The following LDHD variants were observed in gnomAD, a reference collection of about 807,000 sequenced individuals.
LDHD encodes D-lactate dehydrogenase, mitochondrial.
LDHD carries 58 observed loss-of-function variants against 52.9 expected under a neutral mutation model. That is an observed-to-expected ratio of 1.10 (90% CI 0.89 to 1.36). The LOEUF (loss-of-function observed/expected upper bound fraction) is 1.36. Ranked by LOEUF, LDHD falls within the 40% of genes most tolerant of loss-of-function variation. The pLI is 0.00. For missense variants in LDHD, 747 were observed against 668.0 expected (o/e 1.12, Z -1.30); for synonymous variants, 350 against 288.6 (o/e 1.21, Z -2.16).
chr16:75,112,897 TG>T lies in LDHD; in HGVS notation c.1113del (p.Ile372SerfsTer15), dbSNP rs1429563736. The T allele has an allele frequency of 6.2e-7, 1 of 1,612,744 alleles. No individual in the cohort carries two copies. The highest frequency in any genetic ancestry group is 1.7e-5 in the Admixed American group (1 of 59,996). ...ACCACGATCTCCGGCAGCCGGGAGATGGGCACACACACATCCGTGGAGTAGC... is the reference window on the plus strand; with the variant it reads ...ACCACGATCTCCGGCAGCCGGGAGATGGCACACACACATCCGTGGAGTAGC... ...CKGYSTDVCV[P>X]ISRLPEIVVQ... On this transcript the variant is annotated frameshift_variant, in exon 9 of 11. Coordinates refer to ENST00000450168, the MANE Select transcript of LDHD (RefSeq NM_194436.3). LOFTEE classifies it high-confidence loss of function.
chr16:75,115,700 C>T, intron 1 of LDHD, 40 bp from the exon 2 acceptor site: 2 of 1,265,292 alleles, frequency 1.6e-6, no homozygotes, highest in African/African-American at 1.5e-5. Flanking sequence ...CCCCGAAAGA[C>T]ACATGGGGCC....
chr16:75,115,783 G>C (rs372478327), intron 1 of LDHD, 123 bp from the exon 2 acceptor site: 34 of 597,684 alleles, frequency 5.7e-5, no homozygotes, highest in African/African-American at 5.4e-4. Flanking sequence ...CGCCCGCCCC[G>C]CTGACAACAT....
intron 5 of LDHD, 165 bp downstream of exon 5, chr16:75,114,361 G>C: frequency 7.1e-7 from 1 of 1,400,176 alleles, no homozygotes; most frequent in Non-Finnish European, 9.6e-7. Flanking sequence ...GCAAACCCTG[G>C]TCCCATCCAC....
At position 75,114,138 on chromosome 16, in the gene LDHD, C is replaced by G. The variant is rs202096454; in HGVS notation, c.657G>C (p.Thr219=). Residue 219 remains threonine (T), a synonymous_variant, in exon 6 of 11, where the codon ACG becomes ACC. Coordinates refer to ENST00000450168, the MANE Select transcript of LDHD (RefSeq NM_194436.3). ...FRKSAAGYNL[T]GLFVGSEGTL... ...TCCCCTCGGAGCCCACGAAGAGCCCCGTGAGGTTGTAGCCGGCTGCACTCT... is the reference window on the plus strand; with the variant it reads ...TCCCCTCGGAGCCCACGAAGAGCCCGGTGAGGTTGTAGCCGGCTGCACTCT... 8.7e-6 allele frequency: 14 copies of G among 1,612,834 alleles called. No homozygotes were observed. Among genetic ancestry groups the G allele is most frequent in the Non-Finnish European group, 1.2e-5 (14 of 1,179,994 alleles).
chr16:75,116,534 A>C, intron 1 of LDHD, 115 bp downstream of exon 1: 3 of 850,888 alleles, frequency 3.5e-6, no homozygotes, highest in Non-Finnish European at 5.7e-6. Flanking sequence ...CTTTTGCCCA[A>C]GGTCAGGTCA....
chr16:75,114,502 G>A (rs1424817864), intron 5 of LDHD, 24 bp downstream of exon 5: 9 of 1,488,190 alleles, frequency 6.0e-6, no homozygotes, highest in Admixed American at 2.2e-5. Flanking sequence ...GCCAGAGCCC[G>A]GGCCCCCCGC....
intron 1 of LDHD, 132 bp from the exon 2 acceptor site, chr16:75,115,792 A>C: frequency 1.7e-6 from 1 of 578,650 alleles, no homozygotes; most frequent in Non-Finnish European, 3.1e-6. Context: ...CGCTGACAAC[A>C]TCCTTGCCAG....
chr16:75,112,819 C>A lies in LDHD; in HGVS notation c.1177+15G>T. ...ACACCTCCCCACCTCTCCCCAGCAG[C>A]AGGGTGGGCAGAACCTGTGAGTCCT... On this transcript the variant is annotated intron_variant, in intron 9 of 10. Coordinates refer to ENST00000450168, the MANE Select transcript of LDHD (RefSeq NM_194436.3). 1 of 1,609,246 alleles carries A rather than the reference C, an allele frequency of 6.2e-7. No homozygotes were observed. Among genetic ancestry groups the A allele is most frequent in the Non-Finnish European group, 8.5e-7 (1 of 1,176,652 alleles).
At chr16:75,114,485 G>GC in intron 5 of LDHD, 41 bp downstream of exon 5, 1 of 1,465,542 alleles carries the variant, frequency 6.8e-7, no homozygotes, top group Non-Finnish European at 9.0e-7. Flanking sequence ...CGCCAGCAGT[G>GC]CCCAGGGCCA....
At position 75,112,318 on chromosome 16, in the gene LDHD, T is replaced by C. The variant is rs563539428; in HGVS notation, c.*38A>G. 6.4e-7 allele frequency: 1 copy of C among 1,571,686 alleles called. No homozygotes were observed. Among genetic ancestry groups the C allele is most frequent in the East Asian group, 2.3e-5 (1 of 44,102 alleles). Reference sequence around the variant, plus strand: ...AAGAAAAGTTCCAGAACCGGCTCCGTAGTCAGGGAACTTGTGGGCTAAGTG... The same window carrying C: ...AAGAAAAGTTCCAGAACCGGCTCCGCAGTCAGGGAACTTGTGGGCTAAGTG... On this transcript the variant is annotated 3_prime_UTR_variant, in exon 11 of 11. Transcript: ENST00000450168.
rs756020578 is a variant in LDHD at position 75,114,268 on chromosome 16, G to T, written c.630-103C>A. The T allele has an allele frequency of 4.5e-6, 7 of 1,562,958 alleles. No homozygotes were observed. In the South Asian group the frequency reaches 7.0e-5, roughly 16 times the overall value. On this transcript the variant is annotated intron_variant, in intron 5 of 10. Transcript: ENST00000450168. The stretch of plus-strand genomic sequence containing the variant: ...CAAGACACCGACCCCAGGCACTGAG[G>T]TCTGGGCTGGCCTCCCTCGGGCCCA...
rs762517635 is a variant in LDHD, at chr16:75,115,593, G to A, written c.140C>T (p.Ala47Val). The A allele has an allele frequency of 2.1e-5, 34 of 1,612,936 alleles. No individual in the cohort carries two copies. The highest frequency in any genetic ancestry group is 2.7e-5 in the Non-Finnish European group (32 of 1,179,940). Residue 47 changes from alanine (A) to valine (V), a missense_variant, in exon 2 of 11, where the codon GCC (alanine) becomes GTC (valine). By Grantham distance (64) the Ala-to-Val change is moderately conservative. Transcript: ENST00000450168. ...CCCGTGCTGCTCTCGGACCACCGCG[G>A]CAGTGGACACGTGGGAGCCGCCCAC... ...AVVGGSHVST[A>V]AVVREQHGRD...
chr16:75,113,517 AC>A lies in LDHD; in HGVS notation c.1086+17del, dbSNP rs1342005305. The A allele has an allele frequency of 2.5e-6, 4 of 1,596,676 alleles. No individual in the cohort carries two copies. Among genetic ancestry groups the A allele is most frequent in the Non-Finnish European group, 3.4e-6 (4 of 1,172,684 alleles). On this transcript the variant is annotated intron_variant, in intron 8 of 10. Transcript: ENST00000450168. ...GGGCCGAGCTGTGGGCCCCATCTGT[AC>A]CCCAGCCCCAGCTCACCTTGCAGCC...
In LDHD at chr16:75,112,609, G is replaced by C. The variant is rs767285234; in HGVS notation, c.1282C>G (p.Leu428Val). 1 of 1,614,064 alleles carries C rather than the reference G, an allele frequency of 6.2e-7. No homozygotes were observed. The highest frequency in any genetic ancestry group is 8.5e-7 in the Non-Finnish European group (1 of 1,179,996). The change falls in exon 10 of 11, where the codon CTG (leucine) becomes GTG (valine). Residue 428 changes from leucine (L) to valine (V), a missense_variant. Coordinates refer to ENST00000450168, the MANE Select transcript of LDHD (RefSeq NM_194436.3). The part of the protein sequence containing the change: ...LGRVKAFAEQ[L>V]GRRALALHGT... ...CCCTGGCTTTGCTCCTACCTGCCCA[G>C]CTGTTCTGCAAAAGCCTTGACCCTG...
Position 75,114,136 on chromosome 16 carries a change from C to T in LDHD, c.659G>A (p.Gly220Glu). 1 of 1,612,878 alleles carries T rather than the reference C, an allele frequency of 6.2e-7. No homozygotes were observed. The highest frequency in any genetic ancestry group is 8.5e-7 in the Non-Finnish European group (1 of 1,179,994). ...RKSAAGYNLT[G>E]LFVGSEGTLG... is the part of the protein sequence containing the mutation. ...CGTCCCCTCGGAGCCCACGAAGAGCCCCGTGAGGTTGTAGCCGGCTGCACT... is the reference window on the plus strand; with the variant it reads ...CGTCCCCTCGGAGCCCACGAAGAGCTCCGTGAGGTTGTAGCCGGCTGCACT... The change falls in exon 6 of 11, where the codon GGG becomes GAG. Residue 220 changes from glycine (G) to glutamate (E), a missense_variant. Transcript: ENST00000450168.
chr16:75,113,705 G>A (rs755101066), intron 7 of LDHD, 37 bp downstream of exon 7: 3 of 1,612,882 alleles, frequency 1.9e-6, no homozygotes, highest in Non-Finnish European at 2.5e-6. Flanking sequence ...CGCCACTGAG[G>A]CAGCCCACCC....
intron 4 of LDHD, 31 bp from the exon 5 acceptor site, chr16:75,114,716 G>T: frequency 6.5e-7 from 1 of 1,540,488 alleles, no homozygotes; most frequent in Non-Finnish European, 8.8e-7. Context: ...GGCAGCCTCA[G>T]GGACCGGAGG....
Position 75,112,897 on chromosome 16 carries a change from T to G in LDHD, c.1114A>C (p.Ile372Leu), listed in dbSNP as rs2036438081. 1 of 1,612,626 alleles carries G rather than the reference T, an allele frequency of 6.2e-7. No individual in the cohort carries two copies. Among genetic ancestry groups the G allele is most frequent in the African/African-American group, 1.3e-5 (1 of 74,926 alleles). The part of the protein sequence containing the change: ...KGYSTDVCVP[I>L]SRLPEIVVQT... ...ACCACGATCTCCGGCAGCCGGGAGA[T>G]GGGCACACACACATCCGTGGAGTAG... Residue 372 changes from isoleucine to leucine, a missense_variant, in exon 9 of 11, where the codon ATC (isoleucine) becomes CTC (leucine). Transcript: ENST00000450168.
Position 75,112,184 on chromosome 16 carries a change from A to T in LDHD, c.*172T>A, listed in dbSNP as rs1243541456. On this transcript the variant is annotated 3_prime_UTR_variant, in exon 11 of 11. Coordinates refer to ENST00000450168, the MANE Select transcript of LDHD (RefSeq NM_194436.3). ...CCAGCCAGAGGGCCAGGGAGGTAAC[A>T]CGGTGCTCAGGCTTCTCTCTGGGCC... is the stretch of plus-strand genomic sequence containing the variant. 5 of 756,494 alleles carry T rather than the reference A, an allele frequency of 6.6e-6. No individual in the cohort carries two copies. The African/African-American group carries it at 8.8e-5, about 13-fold the overall frequency. The allele number at this position is 756,494 out of a possible 1,614,324, so 46.9% of individuals were successfully genotyped here. A position where few individuals can be genotyped will look rare whatever the true frequency, so the allele number is the denominator to read the frequency against.
Sources: allele counts gnomAD v4.1 joint callset, GRCh38; gene constraint gnomAD v4.1.1; transcripts MANE v1.5; gene names NCBI Gene and HGNC (gene_info 2026-07-23, HGNC 2026-07-21).